Variants in GTF2F2 observed in about 807,000 individuals in gnomAD.
The protein encoded by GTF2F2 is general transcription factor IIF subunit 2.
A neutral mutation model predicts 42.2 loss-of-function variants in GTF2F2; 23 were observed. The ratio of observed to expected loss-of-function variants is 0.55; its 90% CI spans 0.39 to 0.77. GTF2F2 has a LOEUF of 0.77. Among genes scored for constraint, GTF2F2 ranks in the 30% least tolerant of loss-of-function variants. GTF2F2 has a pLI of 0.00. For missense variants in GTF2F2, 261 were observed against 287.2 expected, an observed-to-expected ratio of 0.91 and a Z score of 0.66; for synonymous variants, 105 against 100.8, an observed-to-expected ratio of 1.04 and a Z score of -0.25.
At chr13:45,203,301 T>A (rs986892457) in intron 4 of GTF2F2, among the ~76,000 whole-genome samples, 1 of 151,684 alleles carries the variant, frequency 6.6e-6, no homozygotes, top group Non-Finnish European at 1.5e-5. Flanking sequence ...CCTGGGCTAG[T>A]CTCAAACTCC....
At chr13:45,177,387 T>A (rs193267627) in intron 4 of GTF2F2, among the ~76,000 whole-genome samples, 5 of 152,260 alleles carry the variant, frequency 3.3e-5, no homozygotes, top group African/African-American at 1.2e-4. Context: ...CCAAAAAATA[T>A]TAAATGGAAA....
rs76127584 is a variant in GTF2F2 at position 45,211,342 on chromosome 13, T to A, written c.386+3837T>A. Reference sequence around the variant, plus strand: ...TTATTTTATTTACAATTACCCAACATTATCACTAAGGTGAGGCTCAAAATT... The same window carrying A: ...TTATTTTATTTACAATTACCCAACAATATCACTAAGGTGAGGCTCAAAATT... On this transcript the variant is annotated intron_variant, in intron 5 of 7. Coordinates refer to ENST00000340473, the MANE Select transcript of GTF2F2 (RefSeq NM_004128.3). Among the ~76,000 whole-genome samples, 108 of 151,622 alleles carry A rather than the reference T, an allele frequency of 7.1e-4. 2 individuals are homozygous for A. In the South Asian group the frequency reaches 0.021, roughly 30 times the overall value.
chr13:45,134,918 C>A (rs1869537760), intron 1 of GTF2F2, among the ~76,000 whole-genome samples: 1 of 151,430 alleles, frequency 6.6e-6, no homozygotes. Flanking sequence ...GGATGTTTAG[C>A]ATGGTACCTG....
At chr13:45,240,101 A>ATTT (rs34744288) in intron 5 of GTF2F2, among the ~76,000 whole-genome samples, 16,114 of 89,076 alleles carry the variant, frequency 0.18, 2,499 homozygotes, top group African/African-American at 0.37. Flanking sequence ...ATGTAGAGGG[A>ATTT]TTTTTTTTTT....
At chr13:45,194,576 G>A in intron 4 of GTF2F2, 1 of 1,604,982 alleles carries the variant, frequency 6.2e-7, no homozygotes. Context: ...ATTTTTTGAA[G>A]ATGCTATTTC....
intron 4 of GTF2F2, among the ~76,000 whole-genome samples, chr13:45,176,813 C>T (rs1282715286): frequency 1.3e-5 from 2 of 151,166 alleles, no homozygotes; most frequent in African/African-American, 2.4e-5. Context: ...TTGGGGGGGA[C>T]GGTCTCGCTC....
chr13:45,242,181 C>G (rs1038135093), intron 5 of GTF2F2, among the ~76,000 whole-genome samples: 2 of 151,688 alleles, frequency 1.3e-5, no homozygotes, highest in African/African-American at 4.8e-5. Context: ...CAGCTCAACC[C>G]TCACCCTATT....
chr13:45,265,701 A>G (rs1876534915), intron 6 of GTF2F2, among the ~76,000 whole-genome samples: 1 of 152,258 alleles, frequency 6.6e-6, no homozygotes, highest in Non-Finnish European at 1.5e-5. Flanking sequence ...TTTAATATCA[A>G]TAAATCAATA....
intron 6 of GTF2F2, among the ~76,000 whole-genome samples, chr13:45,259,141 A>G (rs1286578187): frequency 1.3e-5 from 2 of 152,090 alleles, no homozygotes; most frequent in African/African-American, 4.8e-5. Flanking sequence ...AAAGAAGAAA[A>G]ATAGGCCGGG....
chr13:45,226,374 T>A (rs1874355399), intron 5 of GTF2F2, among the ~76,000 whole-genome samples: 1 of 152,222 alleles, frequency 6.6e-6, no homozygotes, highest in Non-Finnish European at 1.5e-5. Flanking sequence ...CTTTTTCTCT[T>A]ATAAGCACTT....
At chr13:45,224,903 G>A (rs888227663) in intron 5 of GTF2F2, among the ~76,000 whole-genome samples, 1 of 152,176 alleles carries the variant, frequency 6.6e-6, no homozygotes, top group Non-Finnish European at 1.5e-5. Context: ...CATATTTTGT[G>A]GGATACCATC....
At chr13:45,262,152 A>G (rs911915396) in intron 6 of GTF2F2, among the ~76,000 whole-genome samples, 3 of 152,180 alleles carry the variant, frequency 2.0e-5, no homozygotes, top group Admixed American at 2.0e-4. Context: ...TTAGAAGATC[A>G]CTTGAAGCCA....
intron 4 of GTF2F2, among the ~76,000 whole-genome samples, chr13:45,183,505 G>A (rs1872263657): frequency 6.6e-6 from 1 of 152,126 alleles, no homozygotes; most frequent in Non-Finnish European, 1.5e-5. Flanking sequence ...ATTCTTTGCA[G>A]GAGCATATCC....
intron 4 of GTF2F2, chr13:45,193,757 T>A: frequency 1.3e-6 from 2 of 1,540,886 alleles, no homozygotes; most frequent in South Asian, 1.3e-5. Context: ...GCTGGCTGCA[T>A]GCTTGTTGCC....
intron 5 of GTF2F2, among the ~76,000 whole-genome samples, chr13:45,244,166 A>T (rs549638977): frequency 3.3e-5 from 5 of 152,264 alleles, no homozygotes; most frequent in South Asian, 2.1e-4. Context: ...CTGTGTGTGT[A>T]TAGAATTGTA....
At chr13:45,124,152 G>T in intron 1 of GTF2F2, 2 of 585,018 alleles carry the variant, frequency 3.4e-6, no homozygotes, top group South Asian at 3.3e-5. Flanking sequence ...GCGCGATCTC[G>T]GCTCACTGCA....
At chr13:45,226,422 CA>C (rs1874357033) in intron 5 of GTF2F2, among the ~76,000 whole-genome samples, 1 of 152,118 alleles carries the variant, frequency 6.6e-6, no homozygotes, top group Admixed American at 6.6e-5. Flanking sequence ...TTTGAGATGG[CA>C]CTTTAAAAGT....
At chr13:45,276,013 G>T (rs1877019582) in intron 7 of GTF2F2, among the ~76,000 whole-genome samples, 1 of 151,986 alleles carries the variant, frequency 6.6e-6, no homozygotes, top group African/African-American at 2.4e-5. Flanking sequence ...TAAATCTTTA[G>T]ATTACTTATA....
chr13:45,183,430 A>G (rs928228944), intron 4 of GTF2F2, among the ~76,000 whole-genome samples: 3 of 152,090 alleles, frequency 2.0e-5, no homozygotes, highest in African/African-American at 7.2e-5. Context: ...TGGAGTTACT[A>G]CTGTCATATC....
Sources: allele counts gnomAD v4.1 joint callset (sites outside exome capture counted in the v4.1 genomes callset), GRCh38; gene constraint gnomAD v4.1.1; transcripts MANE v1.5; gene names NCBI Gene and HGNC (gene_info 2026-07-23, HGNC 2026-07-21).